DNAJC21: variants seen among roughly 807,000 people sequenced by gnomAD.
DNAJC21 encodes DnaJ heat shock protein family (Hsp40) member C21.
In DNAJC21, 63 loss-of-function variants were observed where a neutral mutation model predicts 72.4. The ratio of observed to expected loss-of-function variants is 0.87; its 90% CI spans 0.71 to 1.07. The LOEUF (loss-of-function observed/expected upper bound fraction) is 1.07, where lower values mean the gene tolerates loss of function less well. DNAJC21 is among the 50% of genes least tolerant of loss of function. The pLI, the probability that DNAJC21 is intolerant of heterozygous loss-of-function variation, is 0.00. For synonymous variants in DNAJC21, 203 were observed against 216.7 expected (o/e 0.94, Z 0.56); for missense variants, 634 against 644.8 (o/e 0.98, Z 0.18).
rs758003234 is a variant in DNAJC21, at chr5:34,938,962, C to G, written c.848C>G (p.Ser283Trp). The change falls in exon 6 of 12, where the codon TCG (serine) becomes TGG (tryptophan). Residue 283 changes from serine to tryptophan, a missense_variant. By Grantham distance (177) the Ser-to-Trp change is radical. Transcript: ENST00000648817. ...TACGAGAAGGAGTTTGGAGATGGAT[C>G]GGATGAAAATGAAATGGAAGAACAT... ...ARYEKEFGDG[S>W]DENEMEEHEL... 2.1e-5 allele frequency: 34 copies of G among 1,613,250 alleles called. No individual in the cohort carries two copies. The highest frequency in any genetic ancestry group is 2.9e-5 in the Non-Finnish European group (34 of 1,179,696).
intron 6 of DNAJC21, 103 bp downstream of exon 6, chr5:34,939,112 T>A: frequency 9.0e-7 from 1 of 1,115,604 alleles, no homozygotes; most frequent in Non-Finnish European, 1.2e-6. Flanking sequence ...GGCAAATAAT[T>A]AAAAATAATG....
chr5:34,942,315 A>T (rs1401291013), intron 7 of DNAJC21, among the ~76,000 whole-genome samples: 3 of 152,170 alleles, frequency 2.0e-5, no homozygotes, highest in African/African-American at 7.2e-5. Flanking sequence ...ATTAAAACGG[A>T]TACCATTATT....
rs2112120584 is a variant in DNAJC21, at chr5:34,958,964, A to G, written c.*4250A>G. 1 of 152,338 alleles carries G rather than the reference A, an allele frequency of 6.6e-6. No individual in the cohort carries two copies. The highest frequency in any genetic ancestry group is 2.4e-5 in the African/African-American group (1 of 41,594). The allele number at this position is 152,338 out of a possible 1,614,324, so 9.4% of individuals were successfully genotyped here. A position where few individuals can be genotyped will look rare whatever the true frequency, so the allele number is the denominator to read the frequency against. Reference sequence around the variant, plus strand: ...CTTAATAAAAGATAGCTGGCCTCTCATACCTGCTTCTGCAGTCTATTGCTG... The same window carrying G: ...CTTAATAAAAGATAGCTGGCCTCTCGTACCTGCTTCTGCAGTCTATTGCTG... On this transcript the variant is annotated 3_prime_UTR_variant, in exon 12 of 12. Transcript: ENST00000648817.
In DNAJC21 at chr5:34,956,639, A is replaced by G. The variant is rs974266588; in HGVS notation, c.*1925A>G. ...CTTGAAAGGCAGTTAATGTACTGCA[A>G]ATGTCCCTATGACTTCTTTGCTTTC... On this transcript the variant is annotated 3_prime_UTR_variant, in exon 12 of 12. Coordinates refer to ENST00000648817, the MANE Select transcript of DNAJC21 (RefSeq NM_001012339.3). The G allele has an allele frequency of 2.0e-5, 3 of 152,256 alleles. No homozygotes were observed. Among genetic ancestry groups the G allele is most frequent in the African/African-American group, 7.2e-5 (3 of 41,464 alleles). The allele number at this position is 152,256 out of a possible 1,614,324, so 9.4% of individuals were successfully genotyped here. A position where few individuals can be genotyped will look rare whatever the true frequency, so the allele number is the denominator to read the frequency against.
chr5:34,954,857 T>C lies in DNAJC21; in HGVS notation c.*143T>C, dbSNP rs1262482923. ...TATTTTTTATCTTGTAAAAACACTT[T>C]TTTGGTTTAATATATATTTTTAAAA... On this transcript the variant is annotated 3_prime_UTR_variant, in exon 12 of 12. Coordinates refer to ENST00000648817, the MANE Select transcript of DNAJC21 (RefSeq NM_001012339.3). 4.9e-6 allele frequency: 5 copies of C among 1,020,704 alleles called. No homozygotes were observed. The highest frequency in any genetic ancestry group is 4.0e-6 in the Non-Finnish European group (3 of 747,058). 63.2% of individuals were successfully genotyped at this position (1,020,704 alleles called of 1,614,324 possible). A position where few individuals can be genotyped will look rare whatever the true frequency, so the allele number is the denominator to read the frequency against.
rs1212511111 is a variant in DNAJC21, at chr5:34,945,362, G to C, written c.1142+337G>C. On this transcript the variant is annotated intron_variant, in intron 8 of 11. Coordinates refer to ENST00000648817, the MANE Select transcript of DNAJC21 (RefSeq NM_001012339.3). ...CAGAGTGCTGGGGTTACAGGTGTGA[G>C]CCACTGCGCCCGGCCTTAAAGGCTG... 1.2e-4 allele frequency among the ~76,000 whole-genome samples: 18 copies of C among 152,298 alleles called. 1 individual carries two copies. In the South Asian group the frequency reaches 3.7e-3, roughly 32 times the overall value.
intron 10 of DNAJC21, chr5:34,951,012 G>A (rs1376764622): frequency 1.0e-6 from 1 of 985,480 alleles, no homozygotes; most frequent in South Asian, 4.7e-5. Flanking sequence ...ACCCTGAAAA[G>A]AATTAAAGTG....
Position 34,937,601 on chromosome 5 carries a change from G to A in DNAJC21, c.714G>A (p.Met238Ile), listed in dbSNP as rs746943310. Residue 238 changes from methionine to isoleucine, a missense_variant, in exon 5 of 12, where the codon ATG (methionine) becomes ATA (isoleucine). Met to Ile is a conservative substitution (Grantham distance 10). Transcript: ENST00000648817. ...NAEKARKAEEMRRQQKLKQAK... is the reference protein window; with the variant it reads ...NAEKARKAEEIRRQQKLKQAK... ...AGAAGGCGAGGAAAGCCGAAGAGAT[G>A]AGGCGGCAGCAGAAGCTAAAGCAGG... 4 of 1,613,336 alleles carry A rather than the reference G, an allele frequency of 2.5e-6. No homozygotes were observed. The South Asian group carries it at 3.3e-5, about 13-fold the overall frequency.
intron 9 of DNAJC21, among the ~76,000 whole-genome samples, chr5:34,947,384 G>A (rs1337605342): frequency 2.0e-5 from 3 of 152,110 alleles, no homozygotes; most frequent in Non-Finnish European, 2.9e-5. Context: ...GAAAGTAAAT[G>A]AGTATATTTT....
At chr5:34,951,528 CTTTT>C (rs113733179) in intron 10 of DNAJC21, 11 of 953,184 alleles carry the variant, frequency 1.2e-5, no homozygotes, top group Non-Finnish European at 9.9e-6. Context: ...CATGTTACTT[CTTTT>C]TTTTTTTTTT....
intron 9 of DNAJC21, among the ~76,000 whole-genome samples, chr5:34,949,082 C>G (rs1765270467): frequency 6.6e-6 from 1 of 152,150 alleles, no homozygotes; most frequent in South Asian, 2.1e-4. Context: ...GAGTCACACT[C>G]TGCAGATTAC....
chr5:34,948,821 C>T (rs1399290668), intron 9 of DNAJC21, among the ~76,000 whole-genome samples: 4 of 151,612 alleles, frequency 2.6e-5, no homozygotes, highest in Non-Finnish European at 4.4e-5. Flanking sequence ...GCTGAGATCA[C>T]GCCACTGCAC....
chr5:34,943,533 A>T (rs957247094), intron 7 of DNAJC21, among the ~76,000 whole-genome samples: 1 of 152,180 alleles, frequency 6.6e-6, no homozygotes, highest in Non-Finnish European at 1.5e-5. Context: ...TTTACTATAG[A>T]GTTAGTATTT....
intron 5 of DNAJC21, among the ~76,000 whole-genome samples, chr5:34,937,929 G>T (rs1201391267): frequency 6.6e-6 from 1 of 152,040 alleles, no homozygotes; most frequent in East Asian, 1.9e-4. Flanking sequence ...CAAGTAGCTG[G>T]GATTGCAGGT....
rs372109347 is a variant in DNAJC21 at position 34,941,178 on chromosome 5, A to G, written c.978A>G (p.Glu326=). The G allele has an allele frequency of 1.2e-5, 20 of 1,613,800 alleles. 1 individual carries two copies. The African/African-American group carries it at 2.0e-4, about 16-fold the overall frequency. ...CPACDKSFKT[E]KAMKNHEKSK... ...CATGTGACAAATCGTTCAAGACAGA[A>G]AAGGCGTAAGTTTATTAATTTAATT... The change falls in exon 7 of 12, where the codon GAA becomes GAG. Residue 326 remains glutamate, a synonymous_variant. Coordinates refer to ENST00000648817, the MANE Select transcript of DNAJC21 (RefSeq NM_001012339.3).
At chr5:34,944,519 A>G (rs2112070630) in intron 7 of DNAJC21, among the ~76,000 whole-genome samples, 1 of 152,306 alleles carries the variant, frequency 6.6e-6, no homozygotes, top group South Asian at 2.1e-4. Context: ...CAAAATAATA[A>G]GTAGAGAATT....
In DNAJC21 at chr5:34,944,891, G is replaced by C; in HGVS notation, c.1008G>C (p.Lys336Asn). 6.2e-7 allele frequency: 1 copy of C among 1,614,122 alleles called. No individual in the cohort carries two copies. The highest frequency in any genetic ancestry group is 8.5e-7 in the Non-Finnish European group (1 of 1,180,012). Residue 336 changes from lysine (K) to asparagine (N), a missense_variant, in exon 8 of 12, where the codon AAG (lysine) becomes AAC (asparagine). Transcript: ENST00000648817. Reference protein sequence around the residue: ...EKAMKNHEKSKKHREMVALLK... With the variant: ...EKAMKNHEKSNKHREMVALLK... ...GCATGAAGAATCACGAGAAGTCAAA[G>C]AAGCATCGGGAAATGGTGGCCTTGC...
At chr5:34,942,473 G>A (rs1208551901) in intron 7 of DNAJC21, among the ~76,000 whole-genome samples, 3 of 152,140 alleles carry the variant, frequency 2.0e-5, no homozygotes, top group African/African-American at 7.2e-5. Flanking sequence ...TGACCTCAGG[G>A]AGAAATGACA....
At chr5:34,936,392 C>A in intron 4 of DNAJC21, 126 bp downstream of exon 4, 1 of 1,136,230 alleles carries the variant, frequency 8.8e-7, no homozygotes, top group Non-Finnish European at 1.2e-6. Flanking sequence ...GATCATATCT[C>A]ACAGCAGCCT....
Sources: gnomAD v4.1 joint callset for allele counts (sites outside exome capture counted in the v4.1 genomes callset) on GRCh38, gnomAD v4.1.1 for gene constraint, MANE v1.5 for transcripts, NCBI Gene and HGNC (gene_info 2026-07-23, HGNC 2026-07-21) for gene names.